Variants in MIER2 observed in about 807,000 individuals in gnomAD.
MIER2 encodes mesoderm induction early response protein 2.
MIER2 carries 30 observed loss-of-function variants against 67.6 expected under a neutral mutation model. The ratio of observed to expected loss-of-function variants is 0.44; its 90% CI spans 0.33 to 0.60. The LOEUF (loss-of-function observed/expected upper bound fraction) is 0.60. MIER2 is among the 20% of genes least tolerant of loss of function. MIER2 has a pLI of 0.02. For missense variants in MIER2, 702 were observed against 745.1 expected, an observed-to-expected ratio of 0.94 and a Z score of 0.67; for synonymous variants, 372 against 312.6, an observed-to-expected ratio of 1.19 and a Z score of -2.00.
chr19:308,133 A>G lies in MIER2; in HGVS notation c.1198+444T>C, dbSNP rs1449508673. Among the ~76,000 whole-genome samples, 4 of 152,070 alleles carry G rather than the reference A, an allele frequency of 2.6e-5. No individual in the cohort carries two copies. The highest frequency in any genetic ancestry group is 5.9e-5 in the Non-Finnish European group (4 of 68,004). ...TTCGGACGCCACATCAGACACCACC[A>G]TCGGACATGGTCCCTACCCGAGGCC... is the stretch of plus-strand genomic sequence containing the variant. On this transcript the variant is annotated intron_variant, in intron 12 of 13. Transcript: ENST00000264819. This position sits in a 1 kb window ranked among gnomAD's most constrained non-coding sequence, Gnocchi z 9.1.
At chr19:306,736 C>G (rs749542521) in intron 13 of MIER2, 25 bp from the exon 14 acceptor site, 3 of 1,557,256 alleles carry the variant, frequency 1.9e-6, no homozygotes, top group Non-Finnish European at 2.6e-6. Flanking sequence ...CCAAGAGAGA[C>G]GCAGAGAGTG....
At chr19:309,841 C>T (rs868087495) in intron 10 of MIER2, among the ~76,000 whole-genome samples, 2 of 105,078 alleles carry the variant, frequency 1.9e-5, no homozygotes, top group African/African-American at 4.0e-5. Flanking sequence ...CACACACACA[C>T]GCACACAAGG....
chr19:331,859 T>C (rs566774408), intron 3 of MIER2, among the ~76,000 whole-genome samples: 107 of 151,990 alleles, frequency 7.0e-4, no homozygotes, highest in African/African-American at 2.5e-3. Context: ...CATGCACCTG[T>C]GGTCCCAGCT....
At chr19:309,573 GAC>G (rs765118782) in intron 10 of MIER2, among the ~76,000 whole-genome samples, 3,710 of 104,370 alleles carry the variant, frequency 0.036, 117 homozygotes, top group African/African-American at 0.068. Flanking sequence ...GACGAGAAGG[GAC>G]ACACACACAC....
chr19:308,152 C>G lies in MIER2; in HGVS notation c.1198+425G>C, dbSNP rs1355531170. On this transcript the variant is annotated intron_variant, in intron 12 of 13. Transcript: ENST00000264819. The surrounding 1 kb of genome is among the most constrained non-coding windows in gnomAD (Gnocchi z 9.1). ...ACCACCATCGGACATGGTCCCTACC[C>G]GAGGCCCTGCTGTGCTCCGTCATGG... Among the ~76,000 whole-genome samples, 2 of 152,164 alleles carry G rather than the reference C, an allele frequency of 1.3e-5. No individual in the cohort carries two copies. Among genetic ancestry groups the G allele is most frequent in the African/African-American group, 4.8e-5 (2 of 41,440 alleles).
chr19:312,262 T>C lies in MIER2; in HGVS notation c.818A>G (p.Glu273Gly). 1 of 1,613,892 alleles carries C rather than the reference T, an allele frequency of 6.2e-7. No homozygotes were observed. Among genetic ancestry groups the C allele is most frequent in the Non-Finnish European group, 8.5e-7 (1 of 1,179,872 alleles). The change falls in exon 9 of 14, where the codon GAG becomes GGG. Residue 273 changes from glutamate to glycine, a missense_variant. Around this residue, in one of 3 missense-constraint regions of MIER2, gnomAD observed 128 missense variants for 189.7 expected, o/e 0.67. Transcript: ENST00000264819. ...AVKDSEQALY[E>G]LVKCNFNVEE... is the part of the protein sequence containing the mutation. Reference sequence around the variant, plus strand: ...CACATTGAAGTTGCATTTCACCAACTCGTACAGCGCCTGGGGAGAGGACAT... The same window carrying C: ...CACATTGAAGTTGCATTTCACCAACCCGTACAGCGCCTGGGGAGAGGACAT...
At chr19:344,746 G>T (rs1862380181) in intron 1 of MIER2, 28 bp downstream of exon 1, 4 of 1,167,348 alleles carry the variant, frequency 3.4e-6, no homozygotes, top group East Asian at 7.7e-5. Flanking sequence ...GGGGGCGGGG[G>T]GCCGGCTCCC....
intron 7 of MIER2, among the ~76,000 whole-genome samples, chr19:319,004 C>T (rs1971381496): frequency 7.0e-6 from 1 of 141,966 alleles, no homozygotes; most frequent in African/African-American, 2.7e-5. Context: ...TTGCAGTGAA[C>T]AGAGTTCACG....
intron 5 of MIER2, 183 bp downstream of exon 5, chr19:326,950 G>T: frequency 1.3e-6 from 1 of 787,828 alleles, no homozygotes. Flanking sequence ...TGAGAGTCCA[G>T]GCTCACTGGC....
Position 312,247 on chromosome 19 carries a change from T to C in MIER2, c.833A>G (p.Asn278Ser), listed in dbSNP as rs750013220. 8.1e-6 allele frequency: 13 copies of C among 1,613,958 alleles called. No individual in the cohort carries two copies. Among genetic ancestry groups the C allele is most frequent in the Non-Finnish European group, 1.1e-5 (13 of 1,179,884 alleles). Residue 278 changes from asparagine to serine, a missense_variant, in exon 9 of 14, where the codon AAC (asparagine) becomes AGC (serine). Around this residue, in one of 3 missense-constraint regions of MIER2, gnomAD observed 128 missense variants for 189.7 expected, o/e 0.67. Coordinates refer to ENST00000264819, the MANE Select transcript of MIER2 (RefSeq NM_017550.3). ...EQALYELVKC[N>S]FNVEEALRRL... ...TCGCAGGGCCTCCTCCACATTGAAG[T>C]TGCATTTCACCAACTCGTACAGCGC...
chr19:310,279 C>T (rs933359334), intron 10 of MIER2, among the ~76,000 whole-genome samples: 6 of 152,212 alleles, frequency 3.9e-5, no homozygotes, highest in African/African-American at 1.4e-4. Context: ...AACGAGGATG[C>T]CCCATGCTCA....
intron 1 of MIER2, among the ~76,000 whole-genome samples, chr19:339,487 T>C (rs990428798): frequency 6.6e-6 from 1 of 152,248 alleles, no homozygotes; most frequent in African/African-American, 2.4e-5. Context: ...AACTCTCCTG[T>C]GCCCTGCCGG....
chr19:331,908 G>A lies in MIER2; in HGVS notation c.243+2492C>T, dbSNP rs570951983. On this transcript the variant is annotated intron_variant, in intron 3 of 13. Transcript: ENST00000264819. Reference sequence around the variant, plus strand: ...AGGTAGGAGAATCACTTGAGCCCAGGAGGCGGAGGATGCAGTGAGCCAAGA... The same window carrying A: ...AGGTAGGAGAATCACTTGAGCCCAGAAGGCGGAGGATGCAGTGAGCCAAGA... 3.9e-5 allele frequency among the ~76,000 whole-genome samples: 6 copies of A among 152,160 alleles called. No individual in the cohort carries two copies. The South Asian group carries it at 1.2e-3, about 32-fold the overall frequency.
chr19:319,995 G>C (rs548283722), intron 7 of MIER2, among the ~76,000 whole-genome samples: 1 of 152,100 alleles, frequency 6.6e-6, no homozygotes, highest in Admixed American at 6.6e-5. Flanking sequence ...TGCTCACAGC[G>C]AGCATGTAAT....
chr19:340,146 T>G (rs965528534), intron 1 of MIER2, among the ~76,000 whole-genome samples: 3 of 152,168 alleles, frequency 2.0e-5, no homozygotes, highest in Non-Finnish European at 4.4e-5. Context: ...CTCAAAGAGA[T>G]AGAGTCAGTT....
intron 7 of MIER2, among the ~76,000 whole-genome samples, chr19:325,123 A>C (rs1971680699): frequency 6.6e-6 from 1 of 152,220 alleles, no homozygotes; most frequent in Admixed American, 6.5e-5. Flanking sequence ...AATGAGACCC[A>C]AGTCAATGGG....
In MIER2 at chr19:306,323, A is replaced by C; in HGVS notation, c.*367T>G. The C allele has an allele frequency of 3.2e-6, 1 of 309,732 alleles. No homozygotes were observed. 19.2% of individuals were successfully genotyped at this position (309,732 alleles called of 1,614,324 possible). ...GTCCTGCCCGTCTCCCCGCCGGGGC[A>C]GTGACGCCTTCCCTCGCCTCTGCTG... On this transcript the variant is annotated 3_prime_UTR_variant, in exon 14 of 14. Transcript: ENST00000264819.
intron 1 of MIER2, among the ~76,000 whole-genome samples, chr19:339,183 T>C (rs751163269): frequency 6.7e-5 from 10 of 150,174 alleles, no homozygotes; most frequent in Non-Finnish European, 1.3e-4. Context: ...ACTGAGAGAA[T>C]AGGAGAAAAT....
chr19:342,245 G>A (rs1972540045), intron 1 of MIER2, among the ~76,000 whole-genome samples: 2 of 152,168 alleles, frequency 1.3e-5, no homozygotes, highest in South Asian at 4.1e-4. Flanking sequence ...GTTAACCTGA[G>A]AAACAAGTTC....
Sources: gnomAD v4.1 joint callset for allele counts (sites outside exome capture counted in the v4.1 genomes callset) on GRCh38, gnomAD v4.1.1 for gene constraint, gnomAD v4.1.1 regional missense constraint, Gnocchi (gnomAD v3.1) non-coding constraint, MANE v1.5 for transcripts, NCBI Gene and HGNC (gene_info 2026-07-23, HGNC 2026-07-21) for gene names.